The following SLC67A1 variants were observed in gnomAD, a reference collection of about 807,000 sequenced individuals.
SLC67A1 encodes solute carrier family 67 member A1.
chr11:2,905,320 AGG>A, the SLC67A1 span, among the ~76,000 whole-genome samples: 1 of 152,202 alleles, frequency 6.6e-6, no homozygotes, highest in African/African-American at 2.4e-5. Flanking sequence ...ATCGTGGAGG[AGG>A]GAAGAAGCCA....
chr11:2,903,794 C>G, the SLC67A1 span: 1 of 409,320 alleles, frequency 2.4e-6, no homozygotes, highest in East Asian at 4.3e-5. Context: ...CTGCCTCTCA[C>G]CCGGCAGCCT....
the SLC67A1 span, among the ~76,000 whole-genome samples, chr11:2,905,539 GT>G: frequency 6.6e-6 from 1 of 152,188 alleles, no homozygotes; most frequent in Non-Finnish European, 1.5e-5. Context: ...GTATTCCATG[GT>G]TTATATGTGC....
the SLC67A1 span, among the ~76,000 whole-genome samples, chr11:2,913,130 T>C: frequency 6.6e-6 from 1 of 151,806 alleles, no homozygotes; most frequent in South Asian, 2.1e-4. Context: ...GGCAGATAGA[T>C]GCAGGGCAGG....
the SLC67A1 span, chr11:2,922,471 G>T: frequency 6.2e-7 from 1 of 1,612,306 alleles, no homozygotes; most frequent in African/African-American, 1.3e-5. Flanking sequence ...TCTGCCTCCT[G>T]GTGCCCGGCC....
chr11:2,906,152 A>C, the SLC67A1 span, among the ~76,000 whole-genome samples: 6 of 152,256 alleles, frequency 3.9e-5, no homozygotes, highest in Admixed American at 3.3e-4. Context: ...GAGAAATGCA[A>C]GTCAAAACCA....
chr11:2,912,232 C>G, the SLC67A1 span, among the ~76,000 whole-genome samples: 1 of 152,118 alleles, frequency 6.6e-6, no homozygotes, highest in South Asian at 2.1e-4. Flanking sequence ...GGCTGGTAAT[C>G]TGCCTTTGTC....
the SLC67A1 span, among the ~76,000 whole-genome samples, chr11:2,901,700 A>G: frequency 6.6e-6 from 1 of 152,106 alleles, no homozygotes; most frequent in Non-Finnish European, 1.5e-5. Flanking sequence ...GCAGGGTGAA[A>G]TGGGGAAAAG....
chr11:2,919,533 A>G, the SLC67A1 span: 2 of 681,508 alleles, frequency 2.9e-6, no homozygotes, highest in Non-Finnish European at 5.2e-6. Flanking sequence ...GGCACATGTC[A>G]GGGTCCACAG....
chr11:2,903,629 G>A, the SLC67A1 span: 3 of 869,896 alleles, frequency 3.4e-6, no homozygotes, highest in East Asian at 5.3e-5. Context: ...CTCATGCCAC[G>A]CTTAAGCTGA....
At chr11:2,908,064 G>A in the SLC67A1 span, among the ~76,000 whole-genome samples, 2,923 of 152,260 alleles carry the variant, frequency 0.019, 40 homozygotes, top group Non-Finnish European at 0.029. Context: ...TTCCGCCTAG[G>A]AGAAGAGGAG....
the SLC67A1 span, chr11:2,925,244 C>G: frequency 6.4e-7 from 1 of 1,553,526 alleles, no homozygotes; most frequent in South Asian, 1.2e-5. This position sits in a 1 kb window ranked among gnomAD's most constrained non-coding sequence, Gnocchi z 6.5. Flanking sequence ...TAAATCCCTC[C>G]GACCTCTTCC....
the SLC67A1 span, chr11:2,908,138 C>T: frequency 2.9e-5 from 23 of 791,984 alleles, no homozygotes; most frequent in Non-Finnish European, 4.1e-5. Context: ...CCCAGGCCCT[C>T]GGTCCCCTCC....
the SLC67A1 span, among the ~76,000 whole-genome samples, chr11:2,905,627 C>G: frequency 6.6e-6 from 1 of 152,090 alleles, no homozygotes; most frequent in East Asian, 1.9e-4. Flanking sequence ...AACAGTGCCG[C>G]GATAAAAATA....
At chr11:2,900,327 G>C in the SLC67A1 span, among the ~76,000 whole-genome samples, 1 of 152,146 alleles carries the variant, frequency 6.6e-6, no homozygotes, top group Non-Finnish European at 1.5e-5. Context: ...AGATTGATTG[G>C]ACAAAAGGCA....
chr11:2,908,766 G>T, the SLC67A1 span, among the ~76,000 whole-genome samples: 2 of 152,188 alleles, frequency 1.3e-5, no homozygotes, highest in Non-Finnish European at 2.9e-5. Context: ...AGAGCAACCC[G>T]TAGGCAGAAA....
At chr11:2,912,575 C>T in the SLC67A1 span, among the ~76,000 whole-genome samples, 394 of 152,302 alleles carry the variant, frequency 2.6e-3, 2 homozygotes, top group African/African-American at 8.8e-3. Context: ...CTGCCTCATC[C>T]GCACCCACCT....
At chr11:2,910,778 G>A in the SLC67A1 span, among the ~76,000 whole-genome samples, 38 of 152,188 alleles carry the variant, frequency 2.5e-4, no homozygotes, top group Non-Finnish European at 4.7e-4. Context: ...TGCCAAGGCC[G>A]TGCCTGACCC....
At chr11:2,922,272 ATC>A in the SLC67A1 span, 1 of 1,533,104 alleles carries the variant, frequency 6.5e-7, no homozygotes, top group Non-Finnish European at 9.0e-7. Flanking sequence ...GGGCGGTACC[ATC>A]TGTGCTTAAG....
the SLC67A1 span, among the ~76,000 whole-genome samples, chr11:2,904,371 G>A: frequency 6.6e-6 from 1 of 152,214 alleles, no homozygotes; most frequent in African/African-American, 2.4e-5. Flanking sequence ...GCCCGAGGGT[G>A]AGCCTAAGGA....
Sources: gnomAD v4.1 joint callset for allele counts (sites outside exome capture counted in the v4.1 genomes callset) on GRCh38, gnomAD v4.1.1 for gene constraint, Gnocchi (gnomAD v3.1) non-coding constraint, MANE v1.5 for transcripts, NCBI Gene and HGNC (gene_info 2026-07-23, HGNC 2026-07-21) for gene names.